Variants in MEIS2 observed in about 807,000 individuals in gnomAD.
The protein encoded by MEIS2 is homeobox protein Meis2.
In MEIS2, 9 loss-of-function variants were observed where a neutral mutation model predicts 58.6. That is an observed-to-expected ratio of 0.15 (90% CI 0.09 to 0.27). The LOEUF (loss-of-function observed/expected upper bound fraction) is 0.27, where lower values mean the gene tolerates loss of function less well. Ranked by LOEUF, MEIS2 falls within the 10% of genes least tolerant of loss-of-function variation. The probability of loss-of-function intolerance (pLI) is 1.00; values close to 1 mark genes in which losing one functional copy is unlikely to be tolerated. For synonymous variants in MEIS2, 221 were observed against 228.4 expected (o/e 0.97, Z 0.29); for missense variants, 427 against 635.0 (o/e 0.67, Z 3.52).
intron 8 of MEIS2, among the ~76,000 whole-genome samples, chr15:36,970,320 C>A (rs575839870): frequency 1.3e-5 from 2 of 151,406 alleles, no homozygotes; most frequent in African/African-American, 4.9e-5. Context: ...AGGAGAATGG[C>A]GTGAACCCGG....
chr15:37,011,430 A>G (rs918922526), intron 8 of MEIS2, among the ~76,000 whole-genome samples: 1 of 152,142 alleles, frequency 6.6e-6, no homozygotes, highest in Non-Finnish European at 1.5e-5. Flanking sequence ...TAAGATACAA[A>G]TGTATATAGA....
chr15:36,971,105 G>A (rs181616575), intron 8 of MEIS2, among the ~76,000 whole-genome samples: 1 of 151,828 alleles, frequency 6.6e-6, no homozygotes, highest in Non-Finnish European at 1.5e-5. Context: ...GGTGGGCTTG[G>A]GGGGGTGGGG....
chr15:37,055,475 GA>G (rs1033917017), intron 7 of MEIS2, among the ~76,000 whole-genome samples: 2 of 152,060 alleles, frequency 1.3e-5, no homozygotes, highest in African/African-American at 4.8e-5. Flanking sequence ...TGAGAATGTG[GA>G]GAGCTCTCAA....
chr15:36,951,647 C>G (rs1276059906), intron 8 of MEIS2, among the ~76,000 whole-genome samples: 1 of 152,114 alleles, frequency 6.6e-6, no homozygotes, highest in Non-Finnish European at 1.5e-5. Context: ...AAGGGGTTAA[C>G]TAGATTTGTA....
intron 6 of MEIS2, 99 bp downstream of exon 6, chr15:37,093,482 A>T: frequency 7.1e-7 from 1 of 1,406,920 alleles, no homozygotes; most frequent in Non-Finnish European, 9.6e-7. Flanking sequence ...GGAGTCATTT[A>T]AAAAGAAAAC....
At chr15:37,025,098 G>A (rs945498461) in intron 8 of MEIS2, among the ~76,000 whole-genome samples, 1 of 152,106 alleles carries the variant, frequency 6.6e-6, no homozygotes, top group African/African-American at 2.4e-5. Flanking sequence ...CAGACTTAGG[G>A]CAAAAGAAAC....
intron 8 of MEIS2, among the ~76,000 whole-genome samples, chr15:37,026,596 A>G (rs1212220694): frequency 6.6e-6 from 1 of 152,162 alleles, no homozygotes; most frequent in Non-Finnish European, 1.5e-5. Flanking sequence ...TTATCTGGCT[A>G]TGTCAGGCAA....
chr15:37,093,353 C>T (rs1458814416), intron 6 of MEIS2, among the ~76,000 whole-genome samples: 1 of 152,174 alleles, frequency 6.6e-6, no homozygotes, highest in Non-Finnish European at 1.5e-5. Flanking sequence ...ACAAATCACT[C>T]TATCAACTCT....
chr15:36,919,327 C>T (rs1036060799), intron 9 of MEIS2, among the ~76,000 whole-genome samples: 3 of 152,030 alleles, frequency 2.0e-5, no homozygotes, highest in Admixed American at 6.6e-5. Context: ...ACCTGTAACC[C>T]CAGCACTTTG....
Position 36,889,382 on chromosome 15 carries a change from G to C in MEIS2, c.*2791C>G, listed in dbSNP as rs1316405001. 1 of 151,962 alleles carries C rather than the reference G, an allele frequency of 6.6e-6. No individual in the cohort carries two copies. The highest frequency in any genetic ancestry group is 2.4e-5 in the African/African-American group (1 of 41,358). 9.4% of individuals were successfully genotyped at this position (151,962 alleles called of 1,614,324 possible). ...GAGATAGGAGCAAGTGCCTTCCGGG[G>C]TGGTGTAAAAAAAGCATTATAAAAA... On this transcript the variant is annotated 3_prime_UTR_variant, in exon 12 of 12. Transcript: ENST00000561208.
chr15:37,096,325 G>T lies in MEIS2; in HGVS notation c.351C>A (p.Asp117Glu). The T allele has an allele frequency of 6.2e-7, 1 of 1,613,554 alleles. No individual in the cohort carries two copies. The highest frequency in any genetic ancestry group is 8.5e-7 in the Non-Finnish European group (1 of 1,179,720). The change falls in exon 3 of 12, where the codon GAC (aspartate) becomes GAA (glutamate). Residue 117 changes from aspartate (D) to glutamate (E), a missense_variant. This residue lies in a region of MEIS2 where 138 missense variants were observed against 263.0 expected (regional missense o/e 0.52). Transcript: ENST00000561208. ...GVAGGDVCSS[D>E]SFNEDIAVFA... Reference sequence around the variant, plus strand: ...AGACCGCGATGTCCTCGTTGAAGGAGTCGGAGGAGCAGACGTCTCCGCCAG... The same window carrying T: ...AGACCGCGATGTCCTCGTTGAAGGATTCGGAGGAGCAGACGTCTCCGCCAG...
intron 8 of MEIS2, among the ~76,000 whole-genome samples, chr15:37,029,042 G>A (rs1443924886): frequency 6.6e-6 from 1 of 152,178 alleles, no homozygotes; most frequent in Non-Finnish European, 1.5e-5. Context: ...TTAATGCATT[G>A]TGACATCATT....
At chr15:37,024,989 C>T (rs1420529571) in intron 8 of MEIS2, among the ~76,000 whole-genome samples, 2 of 152,164 alleles carry the variant, frequency 1.3e-5, no homozygotes, top group Admixed American at 6.5e-5. Flanking sequence ...GTACAAATTC[C>T]AAAAGTTACT....
chr15:36,994,050 T>C (rs2060391962), intron 8 of MEIS2, among the ~76,000 whole-genome samples: 1 of 152,136 alleles, frequency 6.6e-6, no homozygotes, highest in African/African-American at 2.4e-5. Flanking sequence ...TATGCACATC[T>C]CTATTCATGA....
intron 8 of MEIS2, among the ~76,000 whole-genome samples, chr15:36,973,839 C>T (rs1166448247): frequency 4.0e-5 from 6 of 151,676 alleles, no homozygotes; most frequent in East Asian, 1.9e-4. Context: ...TTGAAATGTT[C>T]GTGAGATATA....
At chr15:36,943,099 G>A (rs185951952) in intron 9 of MEIS2, among the ~76,000 whole-genome samples, 22 of 152,198 alleles carry the variant, frequency 1.4e-4, no homozygotes, top group Non-Finnish European at 2.6e-4. Flanking sequence ...AATACTTACT[G>A]AATCAGTTGC....
At chr15:36,999,368 T>C (rs1167467542) in intron 8 of MEIS2, among the ~76,000 whole-genome samples, 3 of 152,250 alleles carry the variant, frequency 2.0e-5, no homozygotes. Context: ...TAAACCATGC[T>C]GACTCTTAGT....
chr15:37,054,195 T>C (rs2076211662), intron 7 of MEIS2, among the ~76,000 whole-genome samples: 1 of 152,230 alleles, frequency 6.6e-6, no homozygotes, highest in Non-Finnish European at 1.5e-5. Context: ...TCTTTTGCTT[T>C]TTCTATTTTT....
At chr15:36,931,924 A>C (rs1175724087) in intron 9 of MEIS2, among the ~76,000 whole-genome samples, 1 of 152,236 alleles carries the variant, frequency 6.6e-6, no homozygotes, top group Admixed American at 6.5e-5. Flanking sequence ...ATATGCAGAT[A>C]ATCAGACATT....
Sources: allele counts gnomAD v4.1 joint callset (sites outside exome capture counted in the v4.1 genomes callset), GRCh38; gene constraint gnomAD v4.1.1; regional missense constraint gnomAD v4.1.1; transcripts MANE v1.5; gene names NCBI Gene and HGNC (gene_info 2026-07-23, HGNC 2026-07-21).